Variants in SOD2 observed in about 807,000 individuals in gnomAD.
SOD2 encodes superoxide dismutase 2.
In SOD2, 11 loss-of-function variants were observed where a neutral mutation model predicts 27.0. That is an observed-to-expected ratio of 0.41 (90% CI 0.26 to 0.67). The LOEUF (loss-of-function observed/expected upper bound fraction) is 0.67, where lower values mean the gene tolerates loss of function less well. Ranked by LOEUF, SOD2 falls within the 30% of genes least tolerant of loss-of-function variation. SOD2 has a pLI of 0.34. For missense variants in SOD2, 250 were observed against 274.5 expected, an observed-to-expected ratio of 0.91 and a Z score of 0.63; for synonymous variants, 105 against 103.0, an observed-to-expected ratio of 1.02 and a Z score of -0.12.
At chr6:159,716,067 AAAC>A (rs1242748102) in intron 1 of SOD2, among the ~76,000 whole-genome samples, 2 of 152,294 alleles carry the variant, frequency 1.3e-5, no homozygotes, top group African/African-American at 2.4e-5. Context: ...CATAATGTAA[AAAC>A]AACAACAATA....
chr6:159,690,594 T>C (rs1218487360), intron 2 of SOD2, among the ~76,000 whole-genome samples: 1 of 139,246 alleles, frequency 7.2e-6, no homozygotes, highest in African/African-American at 2.7e-5. Flanking sequence ...CACCAACTTT[T>C]TTTTTCCTTT....
chr6:159,717,799 G>T (rs926289956), intron 1 of SOD2, among the ~76,000 whole-genome samples: 2 of 151,926 alleles, frequency 1.3e-5, no homozygotes, highest in Non-Finnish European at 2.9e-5. Flanking sequence ...ACCTATCAGT[G>T]AGAACATGCA....
intron 1 of SOD2, chr6:159,755,711 G>T: frequency 1.7e-6 from 2 of 1,207,152 alleles, no homozygotes; most frequent in Non-Finnish European, 2.0e-6. Context: ...CTTTTTGTGG[G>T]TGTACGTTTT....
In SOD2 at chr6:159,717,897, A is replaced by ATGTGTG. The variant is rs66742481; in HGVS notation, c.-116+9226_-116+9231dup. Among the ~76,000 whole-genome samples the ATGTGTG allele has an allele frequency of 8.0e-4, 120 of 149,588 alleles. 1 individual carries two copies. The highest frequency in any genetic ancestry group is 2.2e-3 in the African/African-American group (90 of 40,474). ...TATTCATACATATATATGTATGGAT[A>ATGTGTG]TGTGTGTGTGTGTGTGTGTGTGTGT... On this transcript the variant is annotated intron_variant, in intron 1 of 2. Transcript: ENST00000401980.
At chr6:159,735,314 A>AT (rs1323288626) in intron 1 of SOD2, among the ~76,000 whole-genome samples, 1 of 151,954 alleles carries the variant, frequency 6.6e-6, no homozygotes, top group African/African-American at 2.4e-5. Context: ...AATTTTTTTA[A>AT]TTTTTTGGTA....
upstream of SOD2, among the ~76,000 whole-genome samples, chr6:159,731,888 T>C (rs1157569428): frequency 6.6e-6 from 1 of 152,222 alleles, no homozygotes; most frequent in Non-Finnish European, 1.5e-5. Flanking sequence ...TAATGCCCTT[T>C]AAAAACAGAT....
upstream of SOD2, among the ~76,000 whole-genome samples, chr6:159,731,752 G>T (rs1327323809): frequency 6.6e-6 from 1 of 152,154 alleles, no homozygotes; most frequent in Admixed American, 6.5e-5. Flanking sequence ...CCTGGTTGTG[G>T]TAATTCTTTT....
chr6:159,736,704 C>T (rs763977003), intron 1 of SOD2: 1 of 154,156 alleles, frequency 6.5e-6, no homozygotes, highest in Non-Finnish European at 1.4e-5. Context: ...TTAAAAACTA[C>T]TTTATTAAAA....
intron 1 of SOD2, among the ~76,000 whole-genome samples, chr6:159,739,199 T>C (rs1779095498): frequency 6.6e-6 from 1 of 152,226 alleles, no homozygotes; most frequent in African/African-American, 2.4e-5. Flanking sequence ...ACCTATTTCT[T>C]ATATTAACAC....
chr6:159,703,295 CAA>C (rs1486560490), intron 1 of SOD2, among the ~76,000 whole-genome samples: 1 of 152,068 alleles, frequency 6.6e-6, no homozygotes, highest in African/African-American at 2.4e-5. Context: ...GCCTGGGCGA[CAA>C]GAGTGAAGGG....
chr6:159,688,268 T>G lies in SOD2; in HGVS notation c.227-26A>C, dbSNP rs760217246. ...CTGAAAAGTTAAAATGCAAACACATTTTTTTGTAACTCCTACTTTTTCAAC... is the reference window on the plus strand; with the variant it reads ...CTGAAAAGTTAAAATGCAAACACATGTTTTTGTAACTCCTACTTTTTCAAC... On this transcript the variant is annotated intron_variant, in intron 2 of 4. Coordinates refer to ENST00000538183, the MANE Select transcript of SOD2 (RefSeq NM_000636.4). 1.5e-5 allele frequency: 22 copies of G among 1,420,720 alleles called. No homozygotes were observed. In the Admixed American group the frequency reaches 3.2e-4, roughly 21 times the overall value. The allele number at this position is 1,420,720 out of a possible 1,614,324, so 88.0% of individuals were successfully genotyped here. A position where few individuals can be genotyped will look rare whatever the true frequency, so the allele number is the denominator to read the frequency against.
Position 159,670,308 on chromosome 6 carries a change from T to G in SOD2, c.*12185A>C, listed in dbSNP as rs1779627823. 1 of 152,170 alleles carries G rather than the reference T, an allele frequency of 6.6e-6. No homozygotes were observed. The highest frequency in any genetic ancestry group is 6.5e-5 in the Admixed American group (1 of 15,276). The allele number at this position is 152,170 out of a possible 1,614,324, so 9.4% of individuals were successfully genotyped here. A position where few individuals can be genotyped will look rare whatever the true frequency, so the allele number is the denominator to read the frequency against. ...AAGTATAGGCCACCACACTCAGCCT[T>G]GATAGGTGAAGACTTACTTGTGTCA... On this transcript the variant is annotated 3_prime_UTR_variant, in exon 5 of 5. Coordinates refer to ENST00000538183, the MANE Select transcript of SOD2 (RefSeq NM_000636.4).
chr6:159,739,464 G>A (rs1583080519), intron 1 of SOD2, among the ~76,000 whole-genome samples: 2 of 152,242 alleles, frequency 1.3e-5, no homozygotes, highest in East Asian at 1.9e-4. Flanking sequence ...GAAGAGGTTG[G>A]GTTAAGTTAT....
chr6:159,731,232 C>G (rs1219400854), upstream of SOD2, among the ~76,000 whole-genome samples: 1 of 150,802 alleles, frequency 6.6e-6, no homozygotes, highest in Non-Finnish European at 1.5e-5. Flanking sequence ...GAGGCCCAAG[C>G]AGGAGGATTC....
intron 1 of SOD2, among the ~76,000 whole-genome samples, chr6:159,719,320 C>G (rs562498235): frequency 1.2e-4 from 19 of 152,088 alleles, no homozygotes; most frequent in Non-Finnish European, 2.5e-4. Flanking sequence ...GTCAGGAGTT[C>G]AAGACCAGCC....
intron 4 of SOD2, among the ~76,000 whole-genome samples, chr6:159,683,442 G>A (rs1205690728): frequency 6.6e-6 from 1 of 152,086 alleles, no homozygotes; most frequent in Non-Finnish European, 1.5e-5. Flanking sequence ...CCAAGATTGC[G>A]CCACTGCACT....
At chr6:159,755,127 T>TGGCTCAGTACCAGCAGCAGCAGTC (rs1209948512) in intron 1 of SOD2, 1 of 1,614,210 alleles carries the variant, frequency 6.2e-7, no homozygotes, top group Non-Finnish European at 8.5e-7. Context: ...CGCCAGCAGT[T>TGGCTCAGTACCAGCAGCAGCAGTC]GGCTCAGTAC....
chr6:159,677,818 A>C lies in SOD2; in HGVS notation c.*4675T>G, dbSNP rs1055161433. ...AATATATAAAATACTATTTGTGATC[A>C]TGTTATTTATAAGAAATATATATAT... On this transcript the variant is annotated 3_prime_UTR_variant, in exon 5 of 5. Coordinates refer to ENST00000538183, the MANE Select transcript of SOD2 (RefSeq NM_000636.4). The C allele has an allele frequency of 2.0e-5, 3 of 152,180 alleles. No homozygotes were observed. The highest frequency in any genetic ancestry group is 7.2e-5 in the African/African-American group (3 of 41,444). The allele number at this position is 152,180 out of a possible 1,614,324, so 9.4% of individuals were successfully genotyped here.
rs1425990175 is a variant in SOD2, at chr6:159,678,919, C to T, written c.*3574G>A. On this transcript the variant is annotated 3_prime_UTR_variant, in exon 5 of 5. Coordinates refer to ENST00000538183, the MANE Select transcript of SOD2 (RefSeq NM_000636.4). ...AACAGCAAAAACACTTTGGTTTTGTCGTATATCCCTAATACTATGCTTTTA... is the reference window on the plus strand; with the variant it reads ...AACAGCAAAAACACTTTGGTTTTGTTGTATATCCCTAATACTATGCTTTTA... 6.6e-6 allele frequency: 1 copy of T among 152,110 alleles called. No individual in the cohort carries two copies. Among genetic ancestry groups the T allele is most frequent in the Admixed American group, 6.5e-5 (1 of 15,268 alleles). The allele number at this position is 152,110 out of a possible 1,614,324, so 9.4% of individuals were successfully genotyped here.
Sources: allele counts gnomAD v4.1 joint callset (sites outside exome capture counted in the v4.1 genomes callset), GRCh38; gene constraint gnomAD v4.1.1; transcripts MANE v1.5; gene names NCBI Gene and HGNC (gene_info 2026-07-23, HGNC 2026-07-21).